The following HS6ST2 variants were observed in gnomAD, a reference collection of about 807,000 sequenced individuals.
HS6ST2 encodes the protein heparan sulfate 6-O-sulfotransferase 2.
A neutral mutation model predicts 33.0 loss-of-function variants in HS6ST2; 17 were observed. The ratio of observed to expected loss-of-function variants is 0.52; its 90% CI spans 0.35 to 0.77. HS6ST2 has a LOEUF of 0.77. Among genes scored for constraint, HS6ST2 ranks in the 30% least tolerant of loss-of-function variants. HS6ST2 has a pLI of 0.01. For synonymous variants in HS6ST2, 248 were observed against 237.1 expected (o/e 1.05, Z -0.42); for missense variants, 519 against 551.7 (o/e 0.94, Z 0.59).
At chrX:132,783,180 A>C (rs1478868917) in intron 2 of HS6ST2, among the ~76,000 whole-genome samples, 1 of 111,713 alleles carries the variant, frequency 9.0e-6, no homozygotes, top group African/African-American at 3.3e-5. Flanking sequence ...AATCATAGGC[A>C]CTTCAGGGCA....
intron 4 of HS6ST2, among the ~76,000 whole-genome samples, chrX:132,666,526 T>C (rs752705398): frequency 1.4e-4 from 16 of 111,704 alleles, no homozygotes; most frequent in African/African-American, 4.6e-4. Context: ...CTCAATTTCC[T>C]CATGTGTGCA....
At chrX:132,838,343 G>A (rs1322757246) in intron 2 of HS6ST2, among the ~76,000 whole-genome samples, 1 of 111,808 alleles carries the variant, frequency 8.9e-6, no homozygotes, top group African/African-American at 3.3e-5. Context: ...GTATCTGAAA[G>A]CAAGTAGGTC....
chrX:132,807,069 T>C (rs965543915), intron 2 of HS6ST2, among the ~76,000 whole-genome samples: 11 of 109,996 alleles, frequency 1.0e-4, no homozygotes, highest in South Asian at 3.8e-4. Flanking sequence ...TGCAAAAGTA[T>C]TTGCGGTTAC....
intron 2 of HS6ST2, among the ~76,000 whole-genome samples, chrX:132,926,874 G>A (rs2066715388): frequency 8.9e-6 from 1 of 111,798 alleles, no homozygotes; most frequent in Admixed American, 9.5e-5. Flanking sequence ...AGTAAACTGA[G>A]ATCGCACCAA....
At chrX:132,824,623 T>C (rs750045711) in intron 2 of HS6ST2, among the ~76,000 whole-genome samples, 5 of 112,638 alleles carry the variant, frequency 4.4e-5, no homozygotes, top group African/African-American at 1.6e-4. Flanking sequence ...CTCTATTCTA[T>C]GGTTACTCTA....
intron 4 of HS6ST2, among the ~76,000 whole-genome samples, chrX:132,631,860 T>C (rs1381377220): frequency 1.8e-5 from 2 of 111,644 alleles, no homozygotes; most frequent in Non-Finnish European, 3.8e-5. Context: ...ACATTGTTCC[T>C]AGCCTTTCAG....
intron 2 of HS6ST2, 23 bp downstream of exon 2, chrX:132,956,785 C>G (rs1378778010): frequency 8.7e-7 from 1 of 1,144,138 alleles, no homozygotes; most frequent in African/African-American, 1.8e-5. Flanking sequence ...CCGGGTCCCG[C>G]TCGACTACCG....
At chrX:132,774,129 A>T (rs1247039371) in intron 2 of HS6ST2, among the ~76,000 whole-genome samples, 1 of 112,506 alleles carries the variant, frequency 8.9e-6, no homozygotes, top group Non-Finnish European at 1.9e-5. Context: ...TAGAACATCT[A>T]CTGTGTTCCA....
At chrX:132,647,438 A>C (rs1201565052) in intron 4 of HS6ST2, among the ~76,000 whole-genome samples, 2 of 111,813 alleles carry the variant, frequency 1.8e-5, no homozygotes, top group Non-Finnish European at 3.8e-5. Flanking sequence ...AGAGGTGAGC[A>C]GCAGGAGAGA....
intron 2 of HS6ST2, among the ~76,000 whole-genome samples, chrX:132,893,279 G>C (rs1222678955): frequency 2.7e-5 from 3 of 112,062 alleles, no homozygotes; most frequent in Non-Finnish European, 5.6e-5. Context: ...CACCACAAAG[G>C]GTTGTTGTGC....
chrX:132,724,136 CAAAAAGAAAA>C (rs1171304749), intron 2 of HS6ST2, among the ~76,000 whole-genome samples: 29 of 78,779 alleles, frequency 3.7e-4, no homozygotes, highest in African/African-American at 1.2e-3. Flanking sequence ...GACTCCATTT[CAAAAAGAAAA>C]GAAAAGAAAA....
intron 2 of HS6ST2, among the ~76,000 whole-genome samples, chrX:132,861,916 T>C (rs2065915238): frequency 8.9e-6 from 1 of 112,520 alleles, no homozygotes; most frequent in African/African-American, 3.2e-5. Context: ...TTTTCCTTCA[T>C]GATTTCTTCA....
chrX:132,923,488 T>C (rs893298367), intron 2 of HS6ST2, among the ~76,000 whole-genome samples: 6 of 112,074 alleles, frequency 5.4e-5, no homozygotes, highest in African/African-American at 1.9e-4. Flanking sequence ...CTATGTTTAC[T>C]GATGTTACTA....
At chrX:132,843,909 G>A (rs1196240485) in intron 2 of HS6ST2, among the ~76,000 whole-genome samples, 1 of 111,864 alleles carries the variant, frequency 8.9e-6, no homozygotes, top group Admixed American at 9.5e-5. Flanking sequence ...GACCATAGAA[G>A]AGGGGTGGAA....
At chrX:132,949,088 G>C (rs1045886638) in intron 2 of HS6ST2, among the ~76,000 whole-genome samples, 3 of 111,207 alleles carry the variant, frequency 2.7e-5, no homozygotes, top group African/African-American at 9.8e-5. Flanking sequence ...TTCTCTAGGG[G>C]GCGCTGCTTA....
intron 4 of HS6ST2, among the ~76,000 whole-genome samples, chrX:132,655,170 T>A (rs1055560728): frequency 4.5e-5 from 5 of 111,960 alleles, no homozygotes; most frequent in Non-Finnish European, 5.6e-5. Flanking sequence ...AATGTGCCTA[T>A]CACATTCTAA....
intron 2 of HS6ST2, among the ~76,000 whole-genome samples, chrX:132,898,160 T>C (rs2066393146): frequency 9.1e-6 from 1 of 109,859 alleles, no homozygotes. Flanking sequence ...TGGAACAGTT[T>C]CATCCCGAAA....
chrX:132,710,297 T>C (rs763665327), intron 2 of HS6ST2, among the ~76,000 whole-genome samples: 2 of 111,652 alleles, frequency 1.8e-5, no homozygotes, highest in African/African-American at 3.3e-5. Flanking sequence ...AGAGAATGAA[T>C]TAATTTTAAG....
chrX:132,802,423 G>T (rs753738022), intron 2 of HS6ST2, among the ~76,000 whole-genome samples: 1 of 111,841 alleles, frequency 8.9e-6, no homozygotes, highest in African/African-American at 3.2e-5. Context: ...CAAGTGTGTG[G>T]TCTTCTCATA....
Sources: allele counts gnomAD v4.1 joint callset (sites outside exome capture counted in the v4.1 genomes callset), GRCh38; gene constraint gnomAD v4.1.1; transcripts MANE v1.5; gene names NCBI Gene and HGNC (gene_info 2026-07-23, HGNC 2026-07-21).